The following PCDHGA11 variants were observed in gnomAD, a reference collection of about 807,000 sequenced individuals.
PCDHGA11 encodes the protein protocadherin gamma subfamily A, 11.
In PCDHGA11, 39 loss-of-function variants were observed where a neutral mutation model predicts 60.4. That is an observed-to-expected ratio of 0.65 (90% CI 0.50 to 0.84). The LOEUF is 0.84. Among genes scored for constraint, PCDHGA11 ranks in the 40% least tolerant of loss-of-function variants. PCDHGA11 has a pLI of 0.00. For synonymous variants in PCDHGA11, 533 were observed against 510.3 expected (o/e 1.04, Z -0.60); for missense variants, 1,165 against 1,197.7 (o/e 0.97, Z 0.40).
chr5:141,491,253 T>C lies in PCDHGA11; in HGVS notation c.2434-3554T>C, dbSNP rs71583648. The C allele has an allele frequency of 2.3e-3, 3,639 of 1,614,176 alleles. 33 individuals carry two copies. The African/African-American group carries it at 0.026, about 11-fold the overall frequency. Reference sequence around the variant, plus strand: ...TGCTGGTTCTGGAGGATGAGGACCCTGAGGAAATGCCCAAATCCAGTGACT... The same window carrying C: ...TGCTGGTTCTGGAGGATGAGGACCCCGAGGAAATGCCCAAATCCAGTGACT... On this transcript the variant is annotated intron_variant, in intron 1 of 3. Coordinates refer to ENST00000398587, the MANE Select transcript of PCDHGA11 (RefSeq NM_018914.3). This position sits in a 1 kb window ranked among gnomAD's most constrained non-coding sequence, Gnocchi z 6.9.
rs768509409 is a variant in PCDHGA11 at position 141,489,236 on chromosome 5, G to C, written c.2434-5571G>C. 1 of 1,531,176 alleles carries C rather than the reference G, an allele frequency of 6.5e-7. No homozygotes were observed. 94.8% of individuals were successfully genotyped at this position (1,531,176 alleles called of 1,614,324 possible). On this transcript the variant is annotated intron_variant, in intron 1 of 3. Transcript: ENST00000398587. The surrounding 1 kb of genome is among the most constrained non-coding windows in gnomAD (Gnocchi z 4.5). The stretch of plus-strand genomic sequence containing the variant: ...ACTTACTCTCCACAAAGGGACTTCT[G>C]GGTCATGGGGCCCAAGACACTCCCA...
chr5:141,473,186 T>C (rs984810414), intron 1 of PCDHGA11, among the ~76,000 whole-genome samples: 1 of 152,134 alleles, frequency 6.6e-6, no homozygotes, highest in African/African-American at 2.4e-5. Flanking sequence ...CTTGAAGGAG[T>C]AAATGTATCT....
At chr5:141,451,703 A>C (rs975120935) in intron 1 of PCDHGA11, among the ~76,000 whole-genome samples, 2 of 152,144 alleles carry the variant, frequency 1.3e-5, no homozygotes, top group Non-Finnish European at 2.9e-5. Context: ...GTAACATGAC[A>C]AAACCCTGCC....
chr5:141,459,090 A>G (rs769066156), intron 1 of PCDHGA11, among the ~76,000 whole-genome samples: 4 of 152,218 alleles, frequency 2.6e-5, no homozygotes, highest in Non-Finnish European at 4.4e-5. Flanking sequence ...TTAAAATTAT[A>G]CAGTGCAATG....
chr5:141,474,628 A>C (rs1169097645), intron 1 of PCDHGA11, among the ~76,000 whole-genome samples: 1 of 152,234 alleles, frequency 6.6e-6, no homozygotes, highest in Non-Finnish European at 1.5e-5. Flanking sequence ...TCTCTTCCGG[A>C]AATATCCTAT....
chr5:141,484,699 T>A (rs899065665), intron 1 of PCDHGA11, among the ~76,000 whole-genome samples: 4 of 151,966 alleles, frequency 2.6e-5, no homozygotes, highest in African/African-American at 9.7e-5. Flanking sequence ...GCTGTGGCTG[T>A]TTTCCCCGCC....
intron 1 of PCDHGA11, among the ~76,000 whole-genome samples, chr5:141,458,248 G>A (rs173682): frequency 3.3e-5 from 5 of 152,112 alleles, no homozygotes; most frequent in African/African-American, 9.7e-5. Flanking sequence ...AAAATGATAC[G>A]GCTCTGATGA....
In PCDHGA11 at chr5:141,421,271, T is replaced by G; in HGVS notation, c.44T>G (p.Leu15Arg). The change falls in exon 1 of 4, where the codon CTG becomes CGG. Residue 15 changes from leucine (L) to arginine (R), a missense_variant. Coordinates refer to ENST00000398587, the MANE Select transcript of PCDHGA11 (RefSeq NM_018914.3). ...LQRGDRSRLL[L>R]LLCIFLGTLR... Reference sequence around the variant, plus strand: ...CGCGGGGACCGCAGTCGGCTGCTGCTGCTGCTGTGCATTTTCCTGGGGACG... The same window carrying G: ...CGCGGGGACCGCAGTCGGCTGCTGCGGCTGCTGTGCATTTTCCTGGGGACG... 6.2e-7 allele frequency: 1 copy of G among 1,612,330 alleles called. No individual in the cohort carries two copies. The highest frequency in any genetic ancestry group is 8.5e-7 in the Non-Finnish European group (1 of 1,179,522).
In PCDHGA11 at chr5:141,421,119, C is replaced by T. The variant is rs542039688; in HGVS notation, c.-109C>T. The T allele has an allele frequency of 1.3e-6, 1 of 772,768 alleles. No homozygotes were observed. The highest frequency in any genetic ancestry group is 2.0e-6 in the Non-Finnish European group (1 of 497,088). 47.9% of individuals were successfully genotyped at this position (772,768 alleles called of 1,614,324 possible). A position where few individuals can be genotyped will look rare whatever the true frequency, so the allele number is the denominator to read the frequency against. ...CTGGAGACTTAGAAGTATTTTCCTT[C>T]GCTTTCTGATATATTTTGGATGTAG... On this transcript the variant is annotated 5_prime_UTR_variant, in exon 1 of 4. Transcript: ENST00000398587.
At chr5:141,468,487 G>A (rs945439990) in intron 1 of PCDHGA11, 6 of 152,110 alleles carry the variant, frequency 3.9e-5, no homozygotes, top group African/African-American at 1.4e-4. Context: ...TAGGTCTCAT[G>A]GAAGATTTTC....
intron 1 of PCDHGA11, among the ~76,000 whole-genome samples, chr5:141,473,132 T>C (rs2099314792): frequency 6.6e-6 from 1 of 152,230 alleles, no homozygotes; most frequent in Non-Finnish European, 1.5e-5. Context: ...TGGCAAACTA[T>C]ATTATCTCTT....
At chr5:141,495,292 C>T (rs74321313) in intron 2 of PCDHGA11, among the ~76,000 whole-genome samples, 8,567 of 152,256 alleles carry the variant, frequency 0.056, 526 homozygotes, top group African/African-American at 0.16. Context: ...CCGCACTCAG[C>T]GCCTCCTCCA....
intron 1 of PCDHGA11, chr5:141,471,509 TA>T (rs1211467109): frequency 6.6e-6 from 1 of 152,008 alleles, no homozygotes; most frequent in Non-Finnish European, 1.5e-5. Context: ...AGAGAGGGAG[TA>T]AAAATAACAG....
rs574059424 is a variant in PCDHGA11 at position 141,426,522 on chromosome 5, G to A, written c.2433+2862G>A. On this transcript the variant is annotated intron_variant, in intron 1 of 3. Transcript: ENST00000398587. ...AGAAACAATACTTTACCGTGAACAC[G>A]GAGAATGGGAACATACTTGTGAGTG... is the stretch of plus-strand genomic sequence containing the variant. The A allele has an allele frequency of 4.4e-5, 15 of 341,518 alleles. No individual in the cohort carries two copies. In the East Asian group the frequency reaches 6.0e-4, roughly 14 times the overall value. 21.2% of individuals were successfully genotyped at this position (341,518 alleles called of 1,614,324 possible).
rs528069305 is a variant in PCDHGA11, at chr5:141,457,143, T to A, written c.2433+33483T>A. Among the ~76,000 whole-genome samples the A allele has an allele frequency of 5.3e-5, 8 of 152,334 alleles. No homozygotes were observed. In the South Asian group the frequency reaches 1.5e-3, roughly 28 times the overall value. On this transcript the variant is annotated intron_variant, in intron 1 of 3. Transcript: ENST00000398587. ...ATGGAAACTCTGTCCAATATTTCAG[T>A]TAGAAGGTGCTACCATGGATAACCC...
chr5:141,433,291 T>A, intron 1 of PCDHGA11: 1 of 1,094,048 alleles, frequency 9.1e-7, no homozygotes, highest in Non-Finnish European at 1.3e-6. Flanking sequence ...ACTCCTAGGC[T>A]CAAGCAATTA....
In PCDHGA11 at chr5:141,491,722, C is replaced by T. The variant is rs1276921909; in HGVS notation, c.2434-3085C>T. ...CCAGGTGAGGGGCTCGGCGCCGCCC[C>T]GGGCGACCCCTGGGGGCGGCACTGG... On this transcript the variant is annotated intron_variant, in intron 1 of 3. Coordinates refer to ENST00000398587, the MANE Select transcript of PCDHGA11 (RefSeq NM_018914.3). This position sits in a 1 kb window ranked among gnomAD's most constrained non-coding sequence, Gnocchi z 6.9. The T allele has an allele frequency of 6.2e-7, 1 of 1,607,004 alleles. No homozygotes were observed.
Position 141,475,863 on chromosome 5 carries a change from C to G in PCDHGA11, c.2434-18944C>G, listed in dbSNP as rs1037784260. On this transcript the variant is annotated intron_variant, in intron 1 of 3. Transcript: ENST00000398587. ...TCAGAGAGCCCGGCGCTAGCTCATT[C>G]TTCGTGCAGTTATTGGCTGGGACTC... is the stretch of plus-strand genomic sequence containing the variant. 1.4e-5 allele frequency: 7 copies of G among 499,790 alleles called. 1 individual carries two copies. The highest frequency in any genetic ancestry group is 1.4e-4 in the African/African-American group (7 of 51,600). The allele number at this position is 499,790 out of a possible 1,614,324, so 31.0% of individuals were successfully genotyped here. A position where few individuals can be genotyped will look rare whatever the true frequency, so the allele number is the denominator to read the frequency against.
At chr5:141,505,852 G>A (rs2099848673) in intron 3 of PCDHGA11, among the ~76,000 whole-genome samples, 1 of 152,140 alleles carries the variant, frequency 6.6e-6, no homozygotes, top group African/African-American at 2.4e-5. Context: ...TAGAAAGTGG[G>A]GACAGGGACC....
Sources: gnomAD v4.1 joint callset for allele counts (sites outside exome capture counted in the v4.1 genomes callset) on GRCh38, gnomAD v4.1.1 for gene constraint, Gnocchi (gnomAD v3.1) non-coding constraint, MANE v1.5 for transcripts, NCBI Gene and HGNC (gene_info 2026-07-23, HGNC 2026-07-21) for gene names.